Variants in SCN3A observed in about 807,000 individuals in gnomAD.
The protein encoded by SCN3A is sodium channel protein type 3 subunit alpha.
In SCN3A, 60 loss-of-function variants were observed where a neutral mutation model predicts 187.6. The ratio of observed to expected loss-of-function variants is 0.32; its 90% confidence interval spans 0.26 to 0.40. SCN3A has a LOEUF of 0.40. Ranked by LOEUF, SCN3A falls within the 10% of genes least tolerant of loss-of-function variation. The probability of loss-of-function intolerance (pLI) is 1.00; values close to 1 mark genes in which losing one functional copy is unlikely to be tolerated. For missense variants in SCN3A, 1,601 were observed against 2,428.2 expected (o/e 0.66, Z 7.16); for synonymous variants, 788 against 829.2 (o/e 0.95, Z 0.85).
chr2:165,095,398 A>C (rs575996997), intron 25 of SCN3A, 113 bp downstream of exon 25: 1 of 1,149,690 alleles, frequency 8.7e-7, no homozygotes, highest in Non-Finnish European at 1.3e-6. Flanking sequence ...GGGCAACTGA[A>C]AATAATATAA....
intron 9 of SCN3A, among the ~76,000 whole-genome samples, chr2:165,159,850 A>G (rs1689252916): frequency 7.3e-6 from 1 of 136,894 alleles, no homozygotes; most frequent in Non-Finnish European, 1.5e-5. Flanking sequence ...TTTGTATTTA[A>G]AACTCATCAC....
At chr2:165,147,975 ATAATT>A (rs970992024) in intron 11 of SCN3A, among the ~76,000 whole-genome samples, 2 of 152,190 alleles carry the variant, frequency 1.3e-5, no homozygotes, top group African/African-American at 4.8e-5. Flanking sequence ...AGAAGTGAAA[ATAATT>A]AAATTATGAC....
chr2:165,180,497 TTTGA>T (rs1392245438), intron 2 of SCN3A, among the ~76,000 whole-genome samples: 3 of 152,218 alleles, frequency 2.0e-5, no homozygotes, highest in East Asian at 3.9e-4. Context: ...CTAGTTGGAA[TTTGA>T]TTGGGGTCTT....
chr2:165,185,310 T>C (rs190550130), intron 2 of SCN3A, among the ~76,000 whole-genome samples: 1 of 152,310 alleles, frequency 6.6e-6, no homozygotes, highest in East Asian at 1.9e-4. Context: ...GTAAACTGTG[T>C]GTTTGACCCC....
At chr2:165,156,255 C>T (rs1689019516) in intron 9 of SCN3A, among the ~76,000 whole-genome samples, 1 of 151,924 alleles carries the variant, frequency 6.6e-6, no homozygotes, top group Admixed American at 6.6e-5. Flanking sequence ...GCCTGTAATC[C>T]CAGCACTTTG....
intron 11 of SCN3A, among the ~76,000 whole-genome samples, chr2:165,150,320 A>C (rs1374609045): frequency 6.6e-6 from 1 of 152,128 alleles, no homozygotes; most frequent in Non-Finnish European, 1.5e-5. Context: ...TAACTTTTGA[A>C]GAGTCGTAGG....
At chr2:165,100,562 G>T in intron 21 of SCN3A, 138 bp from the exon 22 acceptor site, 2 of 793,644 alleles carry the variant, frequency 2.5e-6, no homozygotes, top group Non-Finnish European at 4.1e-6. Flanking sequence ...CACATAGTGG[G>T]GTCATCTTAT....
chr2:165,108,708 C>T (rs1171923730), intron 21 of SCN3A, among the ~76,000 whole-genome samples: 2 of 152,090 alleles, frequency 1.3e-5, no homozygotes, highest in Admixed American at 1.3e-4. Context: ...TATGTATTTA[C>T]TTCATTGTGT....
intron 1 of SCN3A, among the ~76,000 whole-genome samples, chr2:165,200,179 A>G (rs1051618414): frequency 2.6e-5 from 4 of 152,110 alleles, no homozygotes; most frequent in Admixed American, 1.3e-4. Flanking sequence ...AAACGAACCT[A>G]AAAGTACAGA....
intron 1 of SCN3A, among the ~76,000 whole-genome samples, chr2:165,200,311 A>G (rs1172926784): frequency 2.0e-5 from 3 of 152,124 alleles, no homozygotes; most frequent in Non-Finnish European, 4.4e-5. Context: ...TAGGTGACAA[A>G]TGAAACATGA....
intron 18 of SCN3A, among the ~76,000 whole-genome samples, chr2:165,118,647 C>A (rs1686490202): frequency 6.6e-6 from 1 of 152,144 alleles, no homozygotes; most frequent in African/African-American, 2.4e-5. Flanking sequence ...AGTGCTGTGG[C>A]ATGATCATGG....
At chr2:165,111,731 T>C (rs1374500117) in intron 21 of SCN3A, among the ~76,000 whole-genome samples, 1 of 152,134 alleles carries the variant, frequency 6.6e-6, no homozygotes. Context: ...TTCCTTAAGG[T>C]CCACTCTAGC....
chr2:165,203,163 AAT>A (rs1336896339), intron 1 of SCN3A, among the ~76,000 whole-genome samples: 1 of 151,954 alleles, frequency 6.6e-6, no homozygotes, highest in Non-Finnish European at 1.5e-5. Flanking sequence ...TAAATCAATA[AAT>A]TAAAAGGTAA....
At chr2:165,097,132 T>C (rs562366144) in intron 23 of SCN3A, 120 bp downstream of exon 23, 67 of 1,006,088 alleles carry the variant, frequency 6.7e-5, no homozygotes, top group Middle Eastern at 2.1e-4. Context: ...ATTATAGGTG[T>C]TATCATTAAC....
Position 165,139,577 on chromosome 2 carries a change from C to G in SCN3A, c.2051G>C (p.Arg684Thr). Residue 684 changes from arginine to threonine, a missense_variant, in exon 14 of 28, where the codon AGA becomes ACA. This residue lies in a region of SCN3A where 376 missense variants were observed against 476.0 expected (regional missense o/e 0.79). Coordinates refer to ENST00000283254, the MANE Select transcript of SCN3A (RefSeq NM_006922.4). The part of the protein sequence containing the change: ...GTTTETEVRK[R>T]RLSSYQISME... Reference sequence around the variant, plus strand: ...TGAAATCTGGTAAGAGCTTAACCTTCTCTTTCTGACTTCCGTTTCTGTGGT... The same window carrying G: ...TGAAATCTGGTAAGAGCTTAACCTTGTCTTTCTGACTTCCGTTTCTGTGGT... 6 of 1,613,908 alleles carry G rather than the reference C, an allele frequency of 3.7e-6. No homozygotes were observed. Among genetic ancestry groups the G allele is most frequent in the Non-Finnish European group, 5.1e-6 (6 of 1,179,900 alleles).
At chr2:165,163,472 G>A in intron 7 of SCN3A, 146 bp downstream of exon 7, 1 of 984,546 alleles carries the variant, frequency 1.0e-6, no homozygotes, top group Non-Finnish European at 1.6e-6. Flanking sequence ...AAAATTTTAG[G>A]AGCTAAACTG....
At chr2:165,162,188 A>G (rs928333324) in intron 9 of SCN3A, 120 bp downstream of exon 9, 5 of 882,132 alleles carry the variant, frequency 5.7e-6, no homozygotes, top group African/African-American at 1.7e-5. Context: ...CTAGGGGAGC[A>G]GCACTGCTCT....
At chr2:165,152,199 G>T (rs1348395166) in intron 11 of SCN3A, among the ~76,000 whole-genome samples, 2 of 152,082 alleles carry the variant, frequency 1.3e-5, no homozygotes, top group Non-Finnish European at 2.9e-5. Flanking sequence ...ATAATAAAGA[G>T]AAAAATTAAT....
At chr2:165,105,292 T>C (rs1049345417) in intron 21 of SCN3A, among the ~76,000 whole-genome samples, 1 of 152,178 alleles carries the variant, frequency 6.6e-6, no homozygotes, top group African/African-American at 2.4e-5. Context: ...TACATTGTTG[T>C]TGGGTTTCCC....
Sources: gnomAD v4.1 joint callset for allele counts (sites outside exome capture counted in the v4.1 genomes callset) on GRCh38, gnomAD v4.1.1 for gene constraint, gnomAD v4.1.1 regional missense constraint, MANE v1.5 for transcripts, NCBI Gene and HGNC (gene_info 2026-07-23, HGNC 2026-07-21) for gene names.